YPEL1: variants seen among roughly 807,000 people sequenced by gnomAD.
YPEL1 encodes yippee like 1.
Under a neutral mutation model 17.3 loss-of-function variants are expected in YPEL1, and 7 were observed. The ratio of observed to expected loss-of-function variants is 0.40; its 90% confidence interval spans 0.23 to 0.76. The LOEUF is 0.76. Among genes scored for constraint, YPEL1 ranks in the 30% least tolerant of loss-of-function variants. YPEL1 has a pLI of 0.35. For missense variants in YPEL1, 91 were observed against 155.5 expected, an observed-to-expected ratio of 0.59 and a Z score of 2.21; for synonymous variants, 59 against 59.6, an observed-to-expected ratio of 0.99 and a Z score of 0.05.
At chr22:21,713,899 C>T (rs1020668730) in intron 1 of YPEL1, among the ~76,000 whole-genome samples, 1 of 152,138 alleles carries the variant, frequency 6.6e-6, no homozygotes, top group Admixed American at 6.6e-5. Flanking sequence ...TGACAAGGGG[C>T]CTGCAGAGAG....
chr22:21,710,981 T>C (rs2068159395), intron 1 of YPEL1, 73 bp from the exon 2 acceptor site: 1 of 508,692 alleles, frequency 2.0e-6, no homozygotes, highest in Non-Finnish European at 3.6e-6. Flanking sequence ...ATGGGATTCA[T>C]GTGTTGTGAA....
intron 1 of YPEL1, among the ~76,000 whole-genome samples, chr22:21,731,950 G>A (rs1302741025): frequency 6.6e-6 from 1 of 152,144 alleles, no homozygotes; most frequent in Non-Finnish European, 1.5e-5. Context: ...GGACGGCAGG[G>A]GCTCAGCAAG....
rs1459435814 is a variant in YPEL1, at chr22:21,698,370, C to A, written c.*2759G>T. 6.6e-6 allele frequency: 1 copy of A among 152,086 alleles called. No homozygotes were observed. The highest frequency in any genetic ancestry group is 6.6e-5 in the Admixed American group (1 of 15,252). The allele number at this position is 152,086 out of a possible 1,614,324, so 9.4% of individuals were successfully genotyped here. On this transcript the variant is annotated 3_prime_UTR_variant, in exon 5 of 5. Transcript: ENST00000339468. ...CAAAGTGCCCAAATAGAAGGAGCAGCGAACTTGCCCAAAACAGAAAAGCTC... is the reference window on the plus strand; with the variant it reads ...CAAAGTGCCCAAATAGAAGGAGCAGAGAACTTGCCCAAAACAGAAAAGCTC...
At chr22:21,727,326 A>C (rs2148614145) in intron 1 of YPEL1, among the ~76,000 whole-genome samples, 1 of 152,342 alleles carries the variant, frequency 6.6e-6, no homozygotes, top group South Asian at 2.1e-4. Flanking sequence ...TGGGGAACCC[A>C]TGGCCAAGTT....
intron 1 of YPEL1, among the ~76,000 whole-genome samples, chr22:21,725,246 G>A (rs1337083178): frequency 7.4e-6 from 1 of 135,122 alleles, no homozygotes; most frequent in Non-Finnish European, 1.6e-5. Flanking sequence ...TTGAGACGGA[G>A]TCTCACTCTG....
intron 2 of YPEL1, among the ~76,000 whole-genome samples, chr22:21,707,619 A>C (rs2068126897): frequency 6.6e-6 from 1 of 152,212 alleles, no homozygotes; most frequent in African/African-American, 2.4e-5. Flanking sequence ...AGTTTAACTA[A>C]TAATCATCTT....
intron 4 of YPEL1, 110 bp from the exon 5 acceptor site, chr22:21,701,328 A>C: frequency 1.3e-6 from 1 of 777,638 alleles, no homozygotes; most frequent in Non-Finnish European, 2.1e-6. Flanking sequence ...ATATACCCAG[A>C]TGTTCCCTGA....
At chr22:21,701,471 CATTTGTTT>C (rs1455180745) in intron 4 of YPEL1, among the ~76,000 whole-genome samples, 2 of 152,142 alleles carry the variant, frequency 1.3e-5, no homozygotes, top group Non-Finnish European at 2.9e-5. Flanking sequence ...AAAGGTTTTT[CATTTGTTT>C]GTTTGTTTTG....
rs2068042701 is a variant in YPEL1 at position 21,699,547 on chromosome 22, C to T, written c.*1582G>A. 6.6e-6 allele frequency: 1 copy of T among 152,510 alleles called. No homozygotes were observed. Among genetic ancestry groups the T allele is most frequent in the Non-Finnish European group, 1.5e-5 (1 of 68,036 alleles). 9.4% of individuals were successfully genotyped at this position (152,510 alleles called of 1,614,324 possible). Reference sequence around the variant, plus strand: ...GCCTTAGGAGATTGCACAGGCCCCTCTATCAGTTCAAGTGACATGGGACAG... The same window carrying T: ...GCCTTAGGAGATTGCACAGGCCCCTTTATCAGTTCAAGTGACATGGGACAG... On this transcript the variant is annotated 3_prime_UTR_variant, in exon 5 of 5. Coordinates refer to ENST00000339468, the MANE Select transcript of YPEL1 (RefSeq NM_013313.5).
chr22:21,719,746 G>A (rs1013009082), intron 1 of YPEL1, among the ~76,000 whole-genome samples: 11 of 152,028 alleles, frequency 7.2e-5, no homozygotes, highest in African/African-American at 2.7e-4. Flanking sequence ...TTAGCCAGGC[G>A]GCCGGACGCG....
chr22:21,715,275 G>A (rs569602455), intron 1 of YPEL1, among the ~76,000 whole-genome samples: 47 of 152,096 alleles, frequency 3.1e-4, no homozygotes, highest in African/African-American at 8.7e-4. Flanking sequence ...CGGGCAGATC[G>A]CCAGGTCAGG....
rs780302147 is a variant in YPEL1 at position 21,710,628 on chromosome 22, C to T, written c.117G>A (p.Lys39=). 6.2e-7 allele frequency: 1 copy of T among 1,613,996 alleles called. No individual in the cohort carries two copies. Among genetic ancestry groups the T allele is most frequent in the African/African-American group, 1.3e-5 (1 of 74,952 alleles). Residue 39 remains lysine (K), a splice_region_variant and synonymous_variant, in exon 2 of 5, where the codon AAG becomes AAA. Transcript: ENST00000339468. Reference sequence around the variant, plus strand: ...CAATTTTTTGGCATAAGCCACTTGCCTTGGAGATGAGCTCGTCATGATTGG... The same window carrying T: ...CAATTTTTTGGCATAAGCCACTTGCTTTGGAGATGAGCTCGTCATGATTGG... ...HLANHDELIS[K]SFQGSQGRAY... is the part of the protein sequence containing the mutation.
In YPEL1 at chr22:21,699,844, C is replaced by T. The variant is rs942763323; in HGVS notation, c.*1285G>A. 6.6e-6 allele frequency: 1 copy of T among 152,620 alleles called. No homozygotes were observed. The highest frequency in any genetic ancestry group is 1.5e-5 in the Non-Finnish European group (1 of 68,054). 9.5% of individuals were successfully genotyped at this position (152,620 alleles called of 1,614,324 possible). ...CAGCCACTCAGCAACTGCCTGACAC[C>T]TAAGCTGCTGTCACTGCTGAGGGCA... On this transcript the variant is annotated 3_prime_UTR_variant, in exon 5 of 5. Transcript: ENST00000339468.
intron 2 of YPEL1, among the ~76,000 whole-genome samples, chr22:21,705,153 G>C: frequency 6.6e-6 from 1 of 152,210 alleles, no homozygotes; most frequent in East Asian, 1.9e-4. Flanking sequence ...TTTAGAGATA[G>C]GATATTTTAG....
rs1424457430 is a variant in YPEL1 at position 21,735,689 on chromosome 22, C to G, written c.-239G>C. On this transcript the variant is annotated 5_prime_UTR_variant, in exon 1 of 5. Transcript: ENST00000339468. ...CCCCGGTCAGCGCGGGCTCGGCTCT[C>G]AGGCGTTCCCGGCGCGGCCCGGGAC... is the stretch of plus-strand genomic sequence containing the variant. The G allele has an allele frequency of 6.6e-6, 1 of 151,098 alleles. No individual in the cohort carries two copies. Among genetic ancestry groups the G allele is most frequent in the Non-Finnish European group, 1.5e-5 (1 of 67,694 alleles). 9.4% of individuals were successfully genotyped at this position (151,098 alleles called of 1,614,324 possible).
chr22:21,712,196 T>C (rs912822980), intron 1 of YPEL1, among the ~76,000 whole-genome samples: 2 of 151,724 alleles, frequency 1.3e-5, no homozygotes, highest in Non-Finnish European at 2.9e-5. Flanking sequence ...ATAAAAACTT[T>C]TGTGCTTCAA....
rs766072585 is a variant in YPEL1 at position 21,717,177 on chromosome 22, A to G, written c.-164-6269T>C. On this transcript the variant is annotated intron_variant, in intron 1 of 4. Transcript: ENST00000339468. Reference sequence around the variant, plus strand: ...CGGATCACAAGGTCAGGAGTTCGAGACCAGCCTGGCCAACACGGTGAAACC... The same window carrying G: ...CGGATCACAAGGTCAGGAGTTCGAGGCCAGCCTGGCCAACACGGTGAAACC... 6.9e-4 allele frequency among the ~76,000 whole-genome samples: 105 copies of G among 152,180 alleles called. 1 individual carries two copies. Among genetic ancestry groups the G allele is most frequent in the Admixed American group, 1.0e-3 (16 of 15,272 alleles).
At chr22:21,724,003 C>T (rs1451923466) in intron 1 of YPEL1, among the ~76,000 whole-genome samples, 1 of 152,098 alleles carries the variant, frequency 6.6e-6, no homozygotes, top group African/African-American at 2.4e-5. Flanking sequence ...TGGGTATACA[C>T]ATGTCCATTT....
rs1276751780 is a variant in YPEL1, at chr22:21,710,821, C to T, written c.-77G>A. On this transcript the variant is annotated 5_prime_UTR_variant, in exon 2 of 5. Transcript: ENST00000339468. ...GCTCTGCTGGCCTCTCTGACAAAAG[C>T]AACACTGGAAAATGCACGCAAGAGC... 7.6e-7 allele frequency: 1 copy of T among 1,321,832 alleles called. No homozygotes were observed. The highest frequency in any genetic ancestry group is 1.1e-6 in the Non-Finnish European group (1 of 915,106). 81.9% of individuals were successfully genotyped at this position (1,321,832 alleles called of 1,614,324 possible).
Sources: gnomAD v4.1 joint callset for allele counts (sites outside exome capture counted in the v4.1 genomes callset) on GRCh38, gnomAD v4.1.1 for gene constraint, MANE v1.5 for transcripts, NCBI Gene and HGNC (gene_info 2026-07-23, HGNC 2026-07-21) for gene names.